ASTN1: variants seen among roughly 807,000 people sequenced by gnomAD.
The protein encoded by ASTN1 is astrotactin 1.
Under a neutral mutation model 140.7 loss-of-function variants are expected in ASTN1, and 41 were observed. The observed-to-expected ratio is 0.29, with a 90% confidence interval of 0.23 to 0.38. The LOEUF (loss-of-function observed/expected upper bound fraction) is 0.38, where lower values mean the gene tolerates loss of function less well. ASTN1 is among the 10% of genes least tolerant of loss of function. ASTN1 has a pLI of 1.00. For missense variants in ASTN1, 1,479 were observed against 1,678.8 expected (o/e 0.88, Z 2.08); for synonymous variants, 640 against 652.2 (o/e 0.98, Z 0.29).
chr1:176,996,919 G>A (rs757001384), intron 8 of ASTN1, among the ~76,000 whole-genome samples: 1 of 152,188 alleles, frequency 6.6e-6, no homozygotes, highest in Non-Finnish European at 1.5e-5. Flanking sequence ...AGCTTTAGAA[G>A]AGCAGAAGTG....
In ASTN1 at chr1:176,984,578, T is replaced by C. The variant is rs149375951; in HGVS notation, c.1524-19341A>G. ...GGCTACAACCTCACTGCAAACCTAC[T>C]GCCATGTGTCCACCGAACAGTCATG... On this transcript the variant is annotated intron_variant, in intron 8 of 22. Coordinates refer to ENST00000361833, the MANE Select transcript of ASTN1 (RefSeq NM_004319.3). 6.2e-3 allele frequency among the ~76,000 whole-genome samples: 949 copies of C among 152,290 alleles called. 16 individuals carry two copies. The highest frequency in any genetic ancestry group is 0.02 in the African/African-American group (843 of 41,564).
intron 8 of ASTN1, among the ~76,000 whole-genome samples, chr1:176,974,148 T>C (rs910779312): frequency 3.9e-5 from 6 of 152,238 alleles, no homozygotes; most frequent in African/African-American, 1.4e-4. Flanking sequence ...ATATAAATTA[T>C]ATCATTTAAA....
At chr1:176,932,651 T>C (rs1671257456) in intron 16 of ASTN1, among the ~76,000 whole-genome samples, 2 of 152,240 alleles carry the variant, frequency 1.3e-5, no homozygotes, top group Non-Finnish European at 2.9e-5. Flanking sequence ...GTGGCAAAAC[T>C]AGCCCCTGAT....
chr1:177,079,429 C>A (rs1325445402), intron 1 of ASTN1, among the ~76,000 whole-genome samples: 1 of 152,150 alleles, frequency 6.6e-6, no homozygotes, highest in Non-Finnish European at 1.5e-5. Flanking sequence ...TTAAAAGTTT[C>A]CTGCTCAAGA....
At chr1:177,138,182 C>T (rs1270035952) in intron 1 of ASTN1, among the ~76,000 whole-genome samples, 1 of 152,200 alleles carries the variant, frequency 6.6e-6, no homozygotes, top group African/African-American at 2.4e-5. Context: ...TATCCTATCA[C>T]CTTAAAAGGC....
intron 8 of ASTN1, among the ~76,000 whole-genome samples, chr1:176,991,394 C>G (rs552142609): frequency 5.0e-5 from 6 of 119,786 alleles, no homozygotes; most frequent in African/African-American, 2.0e-4. Context: ...GCCTGGGCAA[C>G]AAACGCTAAA....
chr1:177,108,516 CAT>C lies in ASTN1; in HGVS notation c.284-47253_284-47252del, dbSNP rs530899747. On this transcript the variant is annotated intron_variant, in intron 1 of 22. Coordinates refer to ENST00000361833, the MANE Select transcript of ASTN1 (RefSeq NM_004319.3). Reference sequence around the variant, plus strand: ...TCTTCAAGGTTTCTCCATAGTGTAACATGTGTCAGAAATTCCTCTTTGAGGCT... The same window carrying C: ...TCTTCAAGGTTTCTCCATAGTGTAACGTGTCAGAAATTCCTCTTTGAGGCT... 1.6e-3 allele frequency among the ~76,000 whole-genome samples: 238 copies of C among 152,168 alleles called. 1 individual carries two copies. Among genetic ancestry groups the C allele is most frequent in the African/African-American group, 5.4e-3 (224 of 41,510 alleles).
At chr1:176,976,811 A>C (rs1673382682) in intron 8 of ASTN1, 1 of 152,204 alleles carries the variant, frequency 6.6e-6, no homozygotes, top group African/African-American at 2.4e-5. Flanking sequence ...ACTCCCGTCA[A>C]TGGGCACAGT....
In ASTN1 at chr1:176,957,693, G is replaced by T; in HGVS notation, c.1872C>A (p.Asp624Glu). 6.2e-7 allele frequency: 1 copy of T among 1,614,050 alleles called. No homozygotes were observed. The change falls in exon 11 of 23, where the codon GAC becomes GAA. Residue 624 changes from aspartate to glutamate, a missense_variant. By Grantham distance (45) the Asp-to-Glu change is conservative. This residue lies in a region of ASTN1 where 729 missense variants were observed against 860.4 expected (regional missense o/e 0.85). Coordinates refer to ENST00000361833, the MANE Select transcript of ASTN1 (RefSeq NM_004319.3). ...NFRCISDRKL[D>E]STGCVCPSGL... is the part of the protein sequence containing the mutation. ...GCAGACCTACCACGCAACCAGTGGA[G>T]TCCAGCTTGCGATCTGAAATACAGC...
intron 1 of ASTN1, among the ~76,000 whole-genome samples, chr1:177,110,260 G>T (rs1365296925): frequency 1.3e-5 from 2 of 152,200 alleles, no homozygotes; most frequent in South Asian, 2.1e-4. Context: ...CATGCAAAAA[G>T]ACCTTTAAAA....
At chr1:176,896,046 T>G (rs1669488088) in intron 16 of ASTN1, among the ~76,000 whole-genome samples, 1 of 152,156 alleles carries the variant, frequency 6.6e-6, no homozygotes. Context: ...CCGAAGGTGA[T>G]TGTAGATATG....
chr1:177,129,981 A>T (rs545909985), intron 1 of ASTN1, among the ~76,000 whole-genome samples: 1 of 152,286 alleles, frequency 6.6e-6, no homozygotes, highest in East Asian at 1.9e-4. Flanking sequence ...ATAAAAAAGA[A>T]AAAAGAATTT....
intron 13 of ASTN1, among the ~76,000 whole-genome samples, chr1:176,944,250 C>T (rs1671860053): frequency 6.6e-6 from 1 of 151,860 alleles, no homozygotes; most frequent in South Asian, 2.1e-4. Flanking sequence ...CTAATTTCAA[C>T]CCACAATGTA....
chr1:176,921,002 C>G (rs1027410773), intron 16 of ASTN1, among the ~76,000 whole-genome samples: 3 of 152,150 alleles, frequency 2.0e-5, no homozygotes, highest in South Asian at 2.1e-4. Flanking sequence ...AGAAGTTAAT[C>G]AGATTGGAAA....
intron 7 of ASTN1, among the ~76,000 whole-genome samples, chr1:177,017,792 GATCT>G (rs1675633109): frequency 6.6e-6 from 1 of 152,202 alleles, no homozygotes; most frequent in Non-Finnish European, 1.5e-5. Context: ...AGCTGCACTT[GATCT>G]GTGCTTGGTA....
At chr1:177,064,508 C>T (rs939188197) in intron 1 of ASTN1, among the ~76,000 whole-genome samples, 3 of 152,140 alleles carry the variant, frequency 2.0e-5, no homozygotes, top group Non-Finnish European at 4.4e-5. Context: ...CATGGTAGCA[C>T]CAATGGAAGA....
chr1:176,956,942 G>A (rs1672432523), intron 11 of ASTN1, among the ~76,000 whole-genome samples: 1 of 152,144 alleles, frequency 6.6e-6, no homozygotes, highest in Non-Finnish European at 1.5e-5. Flanking sequence ...CTGTTGCCCA[G>A]GTTGAAGTGC....
chr1:177,095,762 G>C (rs1343998920), intron 1 of ASTN1, among the ~76,000 whole-genome samples: 1 of 152,136 alleles, frequency 6.6e-6, no homozygotes, highest in Non-Finnish European at 1.5e-5. Flanking sequence ...ACTAAGACAA[G>C]GCCTAGTGGA....
chr1:176,889,258 G>A (rs1427556478), intron 17 of ASTN1, among the ~76,000 whole-genome samples: 1 of 152,230 alleles, frequency 6.6e-6, no homozygotes, highest in Non-Finnish European at 1.5e-5. Flanking sequence ...TATCCCAAGG[G>A]GAGGGAGAGG....
Sources: gnomAD v4.1 joint callset for allele counts (sites outside exome capture counted in the v4.1 genomes callset) on GRCh38, gnomAD v4.1.1 for gene constraint, gnomAD v4.1.1 regional missense constraint, MANE v1.5 for transcripts, NCBI Gene and HGNC (gene_info 2026-07-23, HGNC 2026-07-21) for gene names.